SLC13A3: variants seen among roughly 807,000 people sequenced by gnomAD.
The protein encoded by SLC13A3 is Na(+)/dicarboxylate cotransporter 3.
SLC13A3 carries 40 observed loss-of-function variants against 59.0 expected under a neutral mutation model. The observed-to-expected ratio is 0.68, with a 90% CI of 0.53 to 0.88. The LOEUF (loss-of-function observed/expected upper bound fraction) is 0.88. SLC13A3 is among the 40% of genes least tolerant of loss of function. The probability of loss-of-function intolerance (pLI) is 0.00; values close to 1 mark genes in which losing one functional copy is unlikely to be tolerated. For missense variants in SLC13A3, 699 were observed against 783.2 expected (o/e 0.89, Z 1.28); for synonymous variants, 317 against 330.3 (o/e 0.96, Z 0.44).
At chr20:46,562,984 G>C (rs550771007) in intron 12 of SLC13A3, among the ~76,000 whole-genome samples, 7 of 152,320 alleles carry the variant, frequency 4.6e-5, no homozygotes, top group Admixed American at 1.3e-4. Flanking sequence ...TTCCGGGGGA[G>C]GGAACATATT....
intron 12 of SLC13A3, among the ~76,000 whole-genome samples, chr20:46,561,679 A>C (rs888683504): frequency 1.3e-5 from 2 of 149,394 alleles, no homozygotes; most frequent in Non-Finnish European, 3.0e-5. Context: ...TTTTAATGTC[A>C]AGCTGATTTA....
chr20:46,589,296 T>C (rs1196826045), intron 6 of SLC13A3, 41 bp from the exon 7 acceptor site: 1 of 1,549,628 alleles, frequency 6.5e-7, no homozygotes, highest in Admixed American at 1.7e-5. Flanking sequence ...CCACTGCAGG[T>C]ATAACTAACT....
upstream of SLC13A3, among the ~76,000 whole-genome samples, chr20:46,671,472 T>G (rs2063091269): frequency 1.3e-5 from 2 of 151,948 alleles, no homozygotes; most frequent in Non-Finnish European, 2.9e-5. Flanking sequence ...CAACACAGTG[T>G]TTTTCAACCC....
At chr20:46,661,811 C>A (rs2063031980) in intron 1 of SLC13A3, among the ~76,000 whole-genome samples, 1 of 152,138 alleles carries the variant, frequency 6.6e-6, no homozygotes, top group Non-Finnish European at 1.5e-5. Context: ...TCTTCTACCT[C>A]AGGTTTTCTG....
At chr20:46,583,483 T>C (rs1284360602) in intron 9 of SLC13A3, 89 bp downstream of exon 9, 1 of 1,557,330 alleles carries the variant, frequency 6.4e-7, no homozygotes, top group Non-Finnish European at 8.6e-7. Context: ...ACGTGGTTAG[T>C]GCAGTGGGGG....
At chr20:46,594,253 T>C (rs2062287237) in intron 5 of SLC13A3, among the ~76,000 whole-genome samples, 1 of 149,692 alleles carries the variant, frequency 6.7e-6, no homozygotes, top group African/African-American at 2.4e-5. Context: ...ATATAATATA[T>C]ATTACATACT....
intron 1 of SLC13A3, among the ~76,000 whole-genome samples, chr20:46,677,760 C>G (rs1250138543): frequency 6.6e-6 from 1 of 152,124 alleles, no homozygotes; most frequent in African/African-American, 2.4e-5. Flanking sequence ...GTAAGAAGAA[C>G]AACGGGACCA....
intron 1 of SLC13A3, among the ~76,000 whole-genome samples, chr20:46,647,586 C>T (rs759018024): frequency 2.0e-5 from 3 of 152,280 alleles, no homozygotes; most frequent in East Asian, 3.9e-4. Flanking sequence ...GTGCTGGAAG[C>T]GGCAGCCATG....
At chr20:46,582,286 A>AT (rs111617115) in intron 9 of SLC13A3, among the ~76,000 whole-genome samples, 2,211 of 151,372 alleles carry the variant, frequency 0.015, 60 homozygotes, top group African/African-American at 0.05. Context: ...ACGCCCAGCT[A>AT]TTTTTTTTAT....
At chr20:46,588,205 C>T in intron 7 of SLC13A3, 42 bp from the exon 8 acceptor site, 1 of 1,279,504 alleles carries the variant, frequency 7.8e-7, no homozygotes, top group Non-Finnish European at 1.1e-6. Context: ...CCCCGGGTTT[C>T]AGGCAGACCG....
At chr20:46,562,168 A>T (rs889856077) in intron 12 of SLC13A3, among the ~76,000 whole-genome samples, 1 of 152,144 alleles carries the variant, frequency 6.6e-6, no homozygotes, top group Admixed American at 6.5e-5. Context: ...AGCCAAAATG[A>T]TCTTCTACAG....
chr20:46,622,881 A>G (rs974216286), intron 1 of SLC13A3, among the ~76,000 whole-genome samples: 16 of 152,166 alleles, frequency 1.1e-4, no homozygotes, highest in African/African-American at 2.2e-4. Flanking sequence ...GAACTTCCTG[A>G]TAAAAACATA....
At chr20:46,575,790 G>A in intron 9 of SLC13A3, 105 bp from the exon 10 acceptor site, 1 of 571,368 alleles carries the variant, frequency 1.8e-6, no homozygotes, top group South Asian at 2.9e-5. Context: ...GGGTCCCCAG[G>A]AAGCCAAAGT....
chr20:46,583,962 C>G (rs936496497), intron 8 of SLC13A3: 1 of 985,316 alleles, frequency 1.0e-6, no homozygotes, highest in Non-Finnish European at 1.2e-6. Flanking sequence ...ATCCGAGGGC[C>G]GCAGAATATT....
chr20:46,604,609 A>G (rs1443400798), intron 3 of SLC13A3, among the ~76,000 whole-genome samples: 1 of 152,046 alleles, frequency 6.6e-6, no homozygotes, highest in Non-Finnish European at 1.5e-5. Context: ...CACCGTTGGT[A>G]CCATGAGGGA....
At chr20:46,600,257 G>GAAGGAAAGGAAAGGAAAGGA (rs151135493) in intron 3 of SLC13A3, among the ~76,000 whole-genome samples, 5,075 of 125,548 alleles carry the variant, frequency 0.04, 144 homozygotes, top group Admixed American at 0.055. Context: ...ATGGAGGAAG[G>GAAGGAAAGGAAAGGAAAGGA]AAGGAAAGGA....
chr20:46,595,941 T>C (rs375510690), intron 5 of SLC13A3, among the ~76,000 whole-genome samples: 108 of 152,306 alleles, frequency 7.1e-4, no homozygotes, highest in African/African-American at 2.5e-3. Context: ...CACAGATATA[T>C]TTTATATTCA....
At chr20:46,644,466 C>T (rs1455004900) in intron 1 of SLC13A3, among the ~76,000 whole-genome samples, 2 of 152,084 alleles carry the variant, frequency 1.3e-5, no homozygotes, top group Non-Finnish European at 2.9e-5. Flanking sequence ...TTTCAAAGAT[C>T]CCAACCAGAA....
At chr20:46,600,080 T>C in intron 3 of SLC13A3, 43 bp from the exon 4 acceptor site, 3 of 1,497,708 alleles carry the variant, frequency 2.0e-6, no homozygotes, top group Non-Finnish European at 1.8e-6. Flanking sequence ...ATGTAGCGAA[T>C]GGAACAGGAG....
Sources: allele counts gnomAD v4.1 joint callset (sites outside exome capture counted in the v4.1 genomes callset), GRCh38; gene constraint gnomAD v4.1.1; transcripts MANE v1.5; gene names NCBI Gene and HGNC (gene_info 2026-07-23, HGNC 2026-07-21).